CEP68: variants seen among roughly 807,000 people sequenced by gnomAD.
The protein encoded by CEP68 is centrosomal protein of 68 kDa.
CEP68 carries 26 observed loss-of-function variants against 55.3 expected under a neutral mutation model. The observed-to-expected ratio is 0.47, with a 90% CI of 0.34 to 0.65. The LOEUF (loss-of-function observed/expected upper bound fraction) is 0.65. Ranked by LOEUF, CEP68 falls within the 30% of genes least tolerant of loss-of-function variation. CEP68 has a pLI of 0.01. For missense variants in CEP68, 957 were observed against 946.7 expected (o/e 1.01, Z -0.14); for synonymous variants, 402 against 383.2 (o/e 1.05, Z -0.57).
In CEP68 at chr2:65,072,740, T is replaced by TG. The variant is rs1427967239; in HGVS notation, c.1648dup (p.Asp550GlyfsTer3). 2 of 1,614,006 alleles carry TG rather than the reference T, an allele frequency of 1.2e-6. No individual in the cohort carries two copies. Among genetic ancestry groups the TG allele is most frequent in the African/African-American group, 2.7e-5 (2 of 74,936 alleles). On this transcript the variant is annotated frameshift_variant, in exon 3 of 7. Transcript: ENST00000377990. LOFTEE classifies it high-confidence loss of function. ...CCCCTGGAGCTGCCCTCCAAGGATCTGGGGATCCTGAGGGCCAGAATCCCT... is the reference window on the plus strand; with the variant it reads ...CCCCTGGAGCTGCCCTCCAAGGATCTGGGGGATCCTGAGGGCCAGAATCCCT...
rs1024556121 is a variant in CEP68 at position 65,066,933 on chromosome 2, C to CA, written c.-46-2454dup. On this transcript the variant is annotated intron_variant, in intron 1 of 6. Coordinates refer to ENST00000377990, the MANE Select transcript of CEP68 (RefSeq NM_015147.3). ...TGGGCAACAGAGTGAGACTCTGTCT[C>CA]AAAAAAAAAAAAGATATCGTACCAA... 2.6e-3 allele frequency among the ~76,000 whole-genome samples: 330 copies of CA among 129,364 alleles called. 1 individual carries two copies. The highest frequency in any genetic ancestry group is 6.5e-3 in the African/African-American group (227 of 35,034). The allele number at this position is 129,364 out of a possible 152,430, so 84.9% of individuals were successfully genotyped here. A position where few individuals can be genotyped will look rare whatever the true frequency, so the allele number is the denominator to read the frequency against.
chr2:65,074,201 C>G, intron 3 of CEP68, 81 bp from the exon 4 acceptor site: 1 of 1,543,794 alleles, frequency 6.5e-7, no homozygotes, highest in Non-Finnish European at 8.8e-7. Flanking sequence ...TCTCCAAGTC[C>G]TCCTGATATT....
intron 4 of CEP68, among the ~76,000 whole-genome samples, chr2:65,077,082 G>T (rs1481698903): frequency 7.7e-6 from 1 of 129,530 alleles, no homozygotes; most frequent in Non-Finnish European, 1.6e-5. Context: ...TGCAACCCCT[G>T]CCTCCCAGGT....
chr2:65,075,750 T>C (rs930162114), intron 4 of CEP68, among the ~76,000 whole-genome samples: 1 of 152,218 alleles, frequency 6.6e-6, no homozygotes, highest in African/African-American at 2.4e-5. Flanking sequence ...GGGATATCCA[T>C]GGTCTGAGCC....
At chr2:65,077,452 A>G (rs534649666) in intron 4 of CEP68, among the ~76,000 whole-genome samples, 1 of 152,142 alleles carries the variant, frequency 6.6e-6, no homozygotes, top group Non-Finnish European at 1.5e-5. Flanking sequence ...TGGAGGGAGG[A>G]GCAGAGGTAG....
intron 1 of CEP68, among the ~76,000 whole-genome samples, chr2:65,056,973 C>G (rs531262890): frequency 6.6e-6 from 1 of 152,348 alleles, no homozygotes; most frequent in East Asian, 1.9e-4. Flanking sequence ...TAATGCAGCT[C>G]GGGCCTTTCC....
chr2:65,057,902 T>C (rs1266437502), intron 1 of CEP68, among the ~76,000 whole-genome samples: 1 of 151,790 alleles, frequency 6.6e-6, no homozygotes, highest in African/African-American at 2.4e-5. Flanking sequence ...GCAATCCTCC[T>C]GCCTCTGCCT....
chr2:65,079,135 G>T (rs936781931), intron 5 of CEP68, among the ~76,000 whole-genome samples: 1 of 152,138 alleles, frequency 6.6e-6, no homozygotes, highest in Non-Finnish European at 1.5e-5. Context: ...ATTTATACTG[G>T]AATACAACCG....
intron 1 of CEP68, among the ~76,000 whole-genome samples, chr2:65,062,191 C>A (rs1027178991): frequency 2.0e-5 from 3 of 152,130 alleles, no homozygotes; most frequent in African/African-American, 7.2e-5. Flanking sequence ...AACAGAGCTC[C>A]CTGGGCAAAG....
At chr2:65,062,644 T>A (rs764952221) in intron 1 of CEP68, among the ~76,000 whole-genome samples, 14 of 151,772 alleles carry the variant, frequency 9.2e-5, no homozygotes, top group Non-Finnish European at 1.9e-4. Context: ...GAGACCAGCC[T>A]TGGCAACATA....
At chr2:65,075,255 G>GAAAAAAAAA (rs71401768) in intron 4 of CEP68, 1 of 115,618 alleles carries the variant, frequency 8.6e-6, no homozygotes. Flanking sequence ...CGTCTCTACA[G>GAAAAAAAAA]AAAAAAAAAA....
chr2:65,059,975 C>CT (rs1675828830), intron 1 of CEP68, among the ~76,000 whole-genome samples: 1 of 151,668 alleles, frequency 6.6e-6, no homozygotes, highest in Admixed American at 6.6e-5. Flanking sequence ...GGTTTAGGAG[C>CT]TTTTTTCTAT....
rs774012835 is a variant in CEP68 at position 65,069,574 on chromosome 2, C to T, written c.130C>T (p.Arg44Cys). The change falls in exon 2 of 7, where the codon CGC (arginine) becomes TGC (cysteine). Residue 44 changes from arginine to cysteine, a missense_variant. Physicochemically the swap from Arg to Cys is radical, Grantham distance 180 (BLOSUM62 -3). Transcript: ENST00000377990. The stretch of plus-strand genomic sequence containing the variant: ...GCCCATGAGTGGGGAGCAGCCCCCA[C>T]GCCTGGAAGCTGAGGGAGGGCTCAT... ...PGPMSGEQPPRLEAEGGLISP... is the reference protein window; with the variant it reads ...PGPMSGEQPPCLEAEGGLISP... The T allele has an allele frequency of 2.2e-5, 36 of 1,613,194 alleles. No homozygotes were observed. Among genetic ancestry groups the T allele is most frequent in the African/African-American group, 9.3e-5 (7 of 74,924 alleles).
intron 3 of CEP68, 48 bp downstream of exon 3, chr2:65,073,028 C>T (rs1292054825): frequency 5.7e-6 from 9 of 1,591,990 alleles, no homozygotes. Context: ...TGTCTTGTCT[C>T]TTCCCCCAAT....
At chr2:65,074,818 G>T in intron 4 of CEP68, 1 of 252,942 alleles carries the variant, frequency 4.0e-6, no homozygotes, top group South Asian at 4.3e-5. Flanking sequence ...AATACTTTAG[G>T]GTGATTTGCA....
Position 65,071,729 on chromosome 2 carries a change from G to A in CEP68, c.633G>A (p.Gln211=), listed in dbSNP as rs760220857. 6.8e-6 allele frequency: 11 copies of A among 1,614,028 alleles called. No homozygotes were observed. Among genetic ancestry groups the A allele is most frequent in the Non-Finnish European group, 9.3e-6 (11 of 1,180,022 alleles). The part of the protein sequence containing the change: ...SSTGSSLQGH[Q]ERAEPRGGSL... Reference sequence around the variant, plus strand: ...CAGGCAGCAGTCTCCAGGGTCACCAGGAGAGGGCGGAGCCTCGTGGTGGTT... The same window carrying A: ...CAGGCAGCAGTCTCCAGGGTCACCAAGAGAGGGCGGAGCCTCGTGGTGGTT... The change falls in exon 3 of 7, where the codon CAG becomes CAA. Residue 211 remains glutamine (Q), a synonymous_variant. Coordinates refer to ENST00000377990, the MANE Select transcript of CEP68 (RefSeq NM_015147.3).
At position 65,069,381 on chromosome 2, in the gene CEP68, C is replaced by T; in HGVS notation, c.-46-18C>T. On this transcript the variant is annotated intron_variant, in intron 1 of 6. Coordinates refer to ENST00000377990, the MANE Select transcript of CEP68 (RefSeq NM_015147.3). Reference sequence around the variant, plus strand: ...TGTAGAAGATTTATATTTTTCTCTCCCTTCCCCTGTTTTGTAGGAAGCTGA... The same window carrying T: ...TGTAGAAGATTTATATTTTTCTCTCTCTTCCCCTGTTTTGTAGGAAGCTGA... 1 of 1,231,366 alleles carries T rather than the reference C, an allele frequency of 8.1e-7. No individual in the cohort carries two copies. The highest frequency in any genetic ancestry group is 1.1e-6 in the Non-Finnish European group (1 of 895,624). 76.3% of individuals were successfully genotyped at this position (1,231,366 alleles called of 1,614,324 possible). A position where few individuals can be genotyped will look rare whatever the true frequency, so the allele number is the denominator to read the frequency against.
chr2:65,083,253 G>GA (rs144312619), intron 6 of CEP68, among the ~76,000 whole-genome samples: 1 of 152,300 alleles, frequency 6.6e-6, no homozygotes, highest in East Asian at 1.9e-4. Flanking sequence ...AAGGCTAGGG[G>GA]GATGGAGGGG....
chr2:65,078,569 G>A (rs1311593039), intron 5 of CEP68, among the ~76,000 whole-genome samples: 2 of 152,148 alleles, frequency 1.3e-5, no homozygotes, highest in South Asian at 2.1e-4. Flanking sequence ...ATGGAGTTTC[G>A]CTCTTGTTGC....
Sources: allele counts gnomAD v4.1 joint callset (sites outside exome capture counted in the v4.1 genomes callset), GRCh38; gene constraint gnomAD v4.1.1; transcripts MANE v1.5; gene names NCBI Gene and HGNC (gene_info 2026-07-23, HGNC 2026-07-21).